LATS2: variants seen among roughly 807,000 people sequenced by gnomAD.
LATS2 encodes the protein large tumor suppressor kinase 2, also known as serine/threonine-protein kinase LATS2.
Under a neutral mutation model 76.0 loss-of-function variants are expected in LATS2, and 24 were observed. The ratio of observed to expected loss-of-function variants is 0.32; its 90% CI spans 0.23 to 0.44. LATS2 has a LOEUF of 0.44. LATS2 is among the 20% of genes least tolerant of loss of function. The pLI, the probability that LATS2 is intolerant of heterozygous loss-of-function variation, is 1.00. For synonymous variants in LATS2, 692 were observed against 635.4 expected (o/e 1.09, Z -1.34); for missense variants, 1,286 against 1,481.2 (o/e 0.87, Z 2.16).
At chr13:21,057,586 G>A (rs1415558102) in intron 1 of LATS2, among the ~76,000 whole-genome samples, 3 of 152,016 alleles carry the variant, frequency 2.0e-5, no homozygotes, top group Non-Finnish European at 2.9e-5. Context: ...GAGGTCAGGA[G>A]ATCGAGACCA....
At chr13:20,998,298 A>G (rs1870850592) in intron 2 of LATS2, among the ~76,000 whole-genome samples, 1 of 152,172 alleles carries the variant, frequency 6.6e-6, no homozygotes, top group Non-Finnish European at 1.5e-5. Context: ...GGCTGCAGTG[A>G]GCTGAGATCA....
intron 4 of LATS2, among the ~76,000 whole-genome samples, chr13:20,986,357 T>C (rs1359060608): frequency 6.6e-6 from 1 of 152,124 alleles, no homozygotes. Flanking sequence ...AGTAAAAACA[T>C]GGAATCAACT....
At chr13:20,979,195 C>T (rs117968262) in intron 7 of LATS2, among the ~76,000 whole-genome samples, 262 of 152,270 alleles carry the variant, frequency 1.7e-3, no homozygotes, top group Middle Eastern at 3.4e-3. Flanking sequence ...TGTTCATTGA[C>T]GCTATGTTAC....
rs1177364218 is a variant in LATS2, at chr13:20,983,653, C to T, written c.2053G>A (p.Ala685Thr). ...GIGAFGEVCL[A>T]CKVDTHALYA... ...AGGGCGTGAGTGTCCACCTTACAAGCAAGGCACACTTCTCCAAAGGCACCG... is the reference window on the plus strand; with the variant it reads ...AGGGCGTGAGTGTCCACCTTACAAGTAAGGCACACTTCTCCAAAGGCACCG... Residue 685 changes from alanine (A) to threonine (T), a missense_variant, in exon 5 of 8, where the codon GCT becomes ACT. Transcript: ENST00000382592. The T allele has an allele frequency of 6.2e-7, 1 of 1,614,092 alleles. No homozygotes were observed. Among genetic ancestry groups the T allele is most frequent in the Non-Finnish European group, 8.5e-7 (1 of 1,180,022 alleles).
At chr13:21,035,177 T>A (rs2138386116) in intron 2 of LATS2, among the ~76,000 whole-genome samples, 1 of 152,200 alleles carries the variant, frequency 6.6e-6, no homozygotes, top group East Asian at 1.9e-4. Context: ...GTGGCTTTAA[T>A]TCAAGAGCTA....
At chr13:21,003,802 G>A (rs574463687) in intron 2 of LATS2, among the ~76,000 whole-genome samples, 2 of 152,216 alleles carry the variant, frequency 1.3e-5, no homozygotes, top group East Asian at 3.9e-4. Flanking sequence ...GGTCTCTCCT[G>A]GGCTCAAGCA....
intron 2 of LATS2, among the ~76,000 whole-genome samples, chr13:20,999,117 A>C (rs1055817045): frequency 4.1e-4 from 62 of 152,384 alleles, no homozygotes; most frequent in African/African-American, 1.5e-3. Flanking sequence ...GTGCGAGCCA[A>C]TTATGACTGG....
At position 20,988,949 on chromosome 13, in the gene LATS2, G is replaced by T; in HGVS notation, c.831C>A (p.Ser277Arg). 6.5e-7 allele frequency: 1 copy of T among 1,535,542 alleles called. No individual in the cohort carries two copies. Among genetic ancestry groups the T allele is most frequent in the African/African-American group, 1.4e-5 (1 of 73,150 alleles). Residue 277 changes from serine (S) to arginine (R), a missense_variant, in exon 4 of 8, where the codon AGC (serine) becomes AGA (arginine). By Grantham distance (110) the Ser-to-Arg change is moderately radical. This residue lies in a region of LATS2 where 710 missense variants were observed against 660.9 expected (regional missense o/e 1.07). Transcript: ENST00000382592. ...YGVQRSPSFQ[S>R]KTPPETGGYA... ...AACCCCCGGTCTCCGGCGGCGTCTT[G>T]CTCTGGAAGGAGGGGCTGCGCTGCA...
At chr13:21,039,144 G>GA (rs1408282972) in intron 2 of LATS2, among the ~76,000 whole-genome samples, 3 of 150,720 alleles carry the variant, frequency 2.0e-5, no homozygotes, top group Non-Finnish European at 3.0e-5. Context: ...AAGCCACTAA[G>GA]AAAAAAAAAG....
At chr13:21,054,393 G>C (rs560027449) in intron 1 of LATS2, among the ~76,000 whole-genome samples, 2 of 152,188 alleles carry the variant, frequency 1.3e-5, no homozygotes, top group Admixed American at 1.3e-4. Flanking sequence ...AGGCAACAGA[G>C]CAAGTCTCCA....
At chr13:21,011,768 G>A (rs998831297) in intron 2 of LATS2, among the ~76,000 whole-genome samples, 1 of 152,224 alleles carries the variant, frequency 6.6e-6, no homozygotes, top group Non-Finnish European at 1.5e-5. Context: ...TATCTTTTGA[G>A]AAATTCATCA....
chr13:20,993,098 G>C (rs944912608), intron 2 of LATS2, among the ~76,000 whole-genome samples: 5 of 151,982 alleles, frequency 3.3e-5, no homozygotes, highest in African/African-American at 1.2e-4. Flanking sequence ...CCGGACAGTG[G>C]GGGAGGCCGT....
chr13:21,050,386 A>AG (rs1873234197), intron 1 of LATS2, among the ~76,000 whole-genome samples: 1 of 152,036 alleles, frequency 6.6e-6, no homozygotes, highest in African/African-American at 2.4e-5. Flanking sequence ...CCACAGACCA[A>AG]GGGGAACCAC....
intron 2 of LATS2, among the ~76,000 whole-genome samples, chr13:21,012,031 A>AT (rs1172643942): frequency 4.6e-5 from 7 of 151,488 alleles, no homozygotes; most frequent in Non-Finnish European, 7.4e-5. Context: ...GCCAGGAATC[A>AT]TTTTTTTTTC....
At chr13:20,994,972 T>A (rs1030975035) in intron 2 of LATS2, among the ~76,000 whole-genome samples, 5 of 152,116 alleles carry the variant, frequency 3.3e-5, no homozygotes, top group Non-Finnish European at 2.9e-5. Context: ...GATGGCGCAG[T>A]GGTACAGGGC....
chr13:20,983,958 T>C lies in LATS2; in HGVS notation c.1900-152A>G, dbSNP rs982833493. Reference sequence around the variant, plus strand: ...AGAATGGGTCTCATATACTACAGAGTCTCGCTCTGTCGCCTAGGCTGGAGT... The same window carrying C: ...AGAATGGGTCTCATATACTACAGAGCCTCGCTCTGTCGCCTAGGCTGGAGT... On this transcript the variant is annotated intron_variant, in intron 4 of 7. Transcript: ENST00000382592. 5 of 640,866 alleles carry C rather than the reference T, an allele frequency of 7.8e-6. No individual in the cohort carries two copies. In the Admixed American group the frequency reaches 8.8e-5, roughly 11 times the overall value. The allele number at this position is 640,866 out of a possible 1,614,324, so 39.7% of individuals were successfully genotyped here.
At chr13:21,023,146 A>AGGGCTCC (rs146957910) in intron 2 of LATS2, 1 of 85,078 alleles carries the variant, frequency 1.2e-5, no homozygotes, top group Non-Finnish European at 2.6e-5. Context: ...CGCTGCATCG[A>AGGGCTCC]GGGCTCCGGG....
chr13:21,024,441 AATAATAAATG>A (rs1189899098), intron 2 of LATS2, among the ~76,000 whole-genome samples: 1 of 152,294 alleles, frequency 6.6e-6, no homozygotes, highest in East Asian at 1.9e-4. Flanking sequence ...GAATGATAAT[AATAATAAATG>A]ATAATAAATA....
rs904197843 is a variant in LATS2 at position 21,049,275 on chromosome 13, G to A, written c.-204-3045C>T. 4.6e-5 allele frequency among the ~76,000 whole-genome samples: 7 copies of A among 152,190 alleles called. No individual in the cohort carries two copies. The East Asian group carries it at 1.3e-3, about 29-fold the overall frequency. ...TCAGTGCAGAGGATGGGCAGTCACT[G>A]CCTATGGTTCAGCTAAGGAGTGACA... On this transcript the variant is annotated intron_variant, in intron 1 of 7. Coordinates refer to ENST00000382592, the MANE Select transcript of LATS2 (RefSeq NM_014572.3).
Sources: allele counts gnomAD v4.1 joint callset (sites outside exome capture counted in the v4.1 genomes callset), GRCh38; gene constraint gnomAD v4.1.1; regional missense constraint gnomAD v4.1.1; transcripts MANE v1.5; gene names NCBI Gene and HGNC (gene_info 2026-07-23, HGNC 2026-07-21).